Variants in DCAF4 observed in about 807,000 individuals in gnomAD.
DCAF4 encodes DDB1- and CUL4-associated factor 4.
In DCAF4, 37 loss-of-function variants were observed where a neutral mutation model predicts 60.9. The observed-to-expected ratio is 0.61, with a 90% CI of 0.47 to 0.80. DCAF4 has a LOEUF of 0.80. Among genes scored for constraint, DCAF4 ranks in the 30% least tolerant of loss-of-function variants. The probability of loss-of-function intolerance (pLI) is 0.00; values close to 1 mark genes in which losing one functional copy is unlikely to be tolerated. For synonymous variants in DCAF4, 243 were observed against 254.8 expected (o/e 0.95, Z 0.44); for missense variants, 577 against 650.0 (o/e 0.89, Z 1.22).
In DCAF4 at chr14:72,958,934, G is replaced by T; in HGVS notation, c.*129G>T. ...ACAGATCCCATCCTCTGGCTGCTAGGAGAGAAGTGCTGAATGTTCCGTGTG... is the reference window on the plus strand; with the variant it reads ...ACAGATCCCATCCTCTGGCTGCTAGTAGAGAAGTGCTGAATGTTCCGTGTG... On this transcript the variant is annotated 3_prime_UTR_variant, in exon 14 of 14. Transcript: ENST00000358377. 7.1e-7 allele frequency: 1 copy of T among 1,399,378 alleles called. No homozygotes were observed. Among genetic ancestry groups the T allele is most frequent in the Non-Finnish European group, 9.2e-7 (1 of 1,083,194 alleles). 86.7% of individuals were successfully genotyped at this position (1,399,378 alleles called of 1,614,324 possible).
At chr14:72,927,172 T>C (rs1887684395) in intron 1 of DCAF4, among the ~76,000 whole-genome samples, 1 of 152,146 alleles carries the variant, frequency 6.6e-6, no homozygotes, top group Non-Finnish European at 1.5e-5. Context: ...CCCCGGGGGC[T>C]TCAGAAACCA....
rs1891560909 is a variant in DCAF4, at chr14:72,952,662, G to T, written c.808+785G>T. Among the ~76,000 whole-genome samples, 3 of 150,968 alleles carry T rather than the reference G, an allele frequency of 2.0e-5. No individual in the cohort carries two copies. In the South Asian group the frequency reaches 6.3e-4, roughly 32 times the overall value. On this transcript the variant is annotated intron_variant, in intron 9 of 13. Coordinates refer to ENST00000358377, the MANE Select transcript of DCAF4 (RefSeq NM_015604.4). ...AAGGGATGTGAGGGAGGCCTCTGGGGTACTGGATTGTTTTATGTCTTGTCT... is the reference window on the plus strand; with the variant it reads ...AAGGGATGTGAGGGAGGCCTCTGGGTTACTGGATTGTTTTATGTCTTGTCT...
intron 6 of DCAF4, 132 bp downstream of exon 6, chr14:72,943,228 T>C (rs1890285222): frequency 2.5e-6 from 2 of 787,940 alleles, no homozygotes; most frequent in Admixed American, 2.6e-5. Flanking sequence ...ATCTTCTTGG[T>C]TGTACGATTT....
At chr14:72,953,928 C>G (rs1433928504) in intron 9 of DCAF4, among the ~76,000 whole-genome samples, 2 of 149,966 alleles carry the variant, frequency 1.3e-5, no homozygotes, top group Admixed American at 6.7e-5. Context: ...GATATCAGTA[C>G]TATTCGTACT....
At chr14:72,927,338 GTGTTCTTT>G in intron 1 of DCAF4, among the ~76,000 whole-genome samples, 3 of 132,290 alleles carry the variant, frequency 2.3e-5, no homozygotes, top group Non-Finnish European at 3.1e-5. Flanking sequence ...AGTCGCGGTG[GTGTTCTTT>G]TTTTTTTTTT....
At chr14:72,945,810 A>G in intron 6 of DCAF4, 74 bp from the exon 7 acceptor site, 1 of 1,588,240 alleles carries the variant, frequency 6.3e-7, no homozygotes, top group Non-Finnish European at 8.6e-7. Context: ...GCCAGGAGAG[A>G]CGGGCAGGTC....
Position 72,958,616 on chromosome 14 carries a change from C to T in DCAF4, c.1299C>T (p.Gly433=). ...HEEEGILVAV[G]QDCYTRIWSL... is the part of the protein sequence containing the mutation. The stretch of plus-strand genomic sequence containing the variant: ...TGTGTCTCTCCTCTTTCCTAGTGGG[C>T]CAGGACTGCTACACGAGAATCTGGA... The change falls in exon 14 of 14, where the codon GGC becomes GGT. Residue 433 remains glycine (G), a synonymous_variant. Coordinates refer to ENST00000358377, the MANE Select transcript of DCAF4 (RefSeq NM_015604.4). 1 of 1,614,158 alleles carries T rather than the reference C, an allele frequency of 6.2e-7. No individual in the cohort carries two copies. The highest frequency in any genetic ancestry group is 1.7e-5 in the Admixed American group (1 of 60,012).
At chr14:72,951,467 C>T (rs1223891124) in intron 8 of DCAF4, among the ~76,000 whole-genome samples, 2 of 152,026 alleles carry the variant, frequency 1.3e-5, no homozygotes, top group Non-Finnish European at 2.9e-5. Flanking sequence ...CAAAATTACC[C>T]GGGCGTGGTG....
chr14:72,941,060 T>C (rs1417250833), intron 4 of DCAF4, among the ~76,000 whole-genome samples: 1 of 151,774 alleles, frequency 6.6e-6, no homozygotes, highest in Non-Finnish European at 1.5e-5. Flanking sequence ...GCCTCCCAGG[T>C]TCAAGTGATC....
At chr14:72,934,886 C>T (rs555642830) in intron 1 of DCAF4, 1 of 152,330 alleles carries the variant, frequency 6.6e-6, no homozygotes, top group East Asian at 1.9e-4. Flanking sequence ...CAGAAAGAAG[C>T]TACCTGGGAC....
intron 1 of DCAF4, among the ~76,000 whole-genome samples, chr14:72,930,580 CT>C (rs1888430447): frequency 6.6e-6 from 1 of 152,092 alleles, no homozygotes; most frequent in African/African-American, 2.4e-5. Context: ...TAAATAATGT[CT>C]TTCGATGCAC....
chr14:72,953,782 TTGTGTGTGTG>T (rs149574612), intron 9 of DCAF4, among the ~76,000 whole-genome samples: 6,678 of 41,086 alleles, frequency 0.16, 1,346 homozygotes, highest in Non-Finnish European at 0.19. Flanking sequence ...ATTTATTTAT[TTGTGTGTGTG>T]TGTGTGTGTG....
chr14:72,938,128 A>G lies in DCAF4; in HGVS notation c.92+58A>G, dbSNP rs1889545188. On this transcript the variant is annotated intron_variant, in intron 2 of 13. Transcript: ENST00000358377. ...CCAGTGTGCTTCTGGCATTGTACAC[A>G]TGGCATGTCACACGATCACAGGTGT... 3.3e-6 allele frequency: 5 copies of G among 1,535,782 alleles called. No individual in the cohort carries two copies. The South Asian group carries it at 3.8e-5, about 12-fold the overall frequency.
intron 1 of DCAF4, among the ~76,000 whole-genome samples, chr14:72,933,416 A>G (rs1201192019): frequency 2.6e-5 from 4 of 152,118 alleles, no homozygotes; most frequent in African/African-American, 9.7e-5. Flanking sequence ...AAAATGAGCC[A>G]GGCATGGTGG....
At chr14:72,945,300 A>G (rs754572386) in intron 6 of DCAF4, among the ~76,000 whole-genome samples, 2 of 151,904 alleles carry the variant, frequency 1.3e-5, no homozygotes, top group Non-Finnish European at 2.9e-5. Flanking sequence ...GGCTGAGGAG[A>G]GAAGATCACT....
At position 72,943,069 on chromosome 14, in the gene DCAF4, G is replaced by C. The variant is rs776224987; in HGVS notation, c.507G>C (p.Leu169Phe). 1 of 1,614,184 alleles carries C rather than the reference G, an allele frequency of 6.2e-7. No individual in the cohort carries two copies. Among genetic ancestry groups the C allele is most frequent in the East Asian group, 2.2e-5 (1 of 44,888 alleles). ...TTCGAAGCATGGATCCCTCCGCCTTGGCAAGCGACCGATTTAACCTCATAC... is the reference window on the plus strand; with the variant it reads ...TTCGAAGCATGGATCCCTCCGCCTTCGCAAGCGACCGATTTAACCTCATAC... ...VQIRSMDPSA[L>F]ASDRFNLILA... The change falls in exon 6 of 14, where the codon TTG becomes TTC. Residue 169 changes from leucine to phenylalanine, a missense_variant. Leu to Phe is a conservative substitution (Grantham distance 22, BLOSUM62 0). Transcript: ENST00000358377.
intron 1 of DCAF4, among the ~76,000 whole-genome samples, chr14:72,928,503 G>T (rs1373115460): frequency 6.7e-6 from 1 of 149,940 alleles, no homozygotes; most frequent in Non-Finnish European, 1.5e-5. Flanking sequence ...CCAGTCTACA[G>T]ACTCTTACAA....
chr14:72,959,910 A>C (rs1431169794), downstream of DCAF4, among the ~76,000 whole-genome samples: 6 of 152,168 alleles, frequency 3.9e-5, no homozygotes, highest in Admixed American at 3.3e-4. Flanking sequence ...GAGGAGAGGG[A>C]GTGGTTCCCC....
At chr14:72,949,686 G>A (rs1179701162) in intron 8 of DCAF4, among the ~76,000 whole-genome samples, 1 of 152,146 alleles carries the variant, frequency 6.6e-6, no homozygotes, top group African/African-American at 2.4e-5. Flanking sequence ...AAACCCGGGA[G>A]ACAGAGGTTG....
Sources: gnomAD v4.1 joint callset for allele counts (sites outside exome capture counted in the v4.1 genomes callset) on GRCh38, gnomAD v4.1.1 for gene constraint, MANE v1.5 for transcripts, NCBI Gene and HGNC (gene_info 2026-07-23, HGNC 2026-07-21) for gene names.